SNX13: variants seen among roughly 807,000 people sequenced by gnomAD.
SNX13 encodes sorting nexin 13.
A neutral mutation model predicts 133.6 loss-of-function variants in SNX13; 45 were observed. That is an observed-to-expected ratio of 0.34 (90% CI 0.27 to 0.43). The LOEUF is 0.43. Among genes scored for constraint, SNX13 ranks in the 20% least tolerant of loss-of-function variants. The pLI is 1.00. For synonymous variants in SNX13, 414 were observed against 373.9 expected (o/e 1.11, Z -1.24); for missense variants, 1,032 against 1,145.1 (o/e 0.90, Z 1.43).
intron 22 of SNX13, among the ~76,000 whole-genome samples, chr7:17,801,097 A>C (rs1784599024): frequency 6.8e-6 from 1 of 147,308 alleles, no homozygotes; most frequent in Non-Finnish European, 1.5e-5. Flanking sequence ...GTATAGATCC[A>C]ATAGAAACAT....
intron 9 of SNX13, among the ~76,000 whole-genome samples, chr7:17,854,787 T>C (rs1271829801): frequency 6.6e-6 from 1 of 152,126 alleles, no homozygotes; most frequent in South Asian, 2.1e-4. Flanking sequence ...AACTCACACA[T>C]AACAACATTG....
At chr7:17,914,798 C>T (rs926368640) in intron 1 of SNX13, among the ~76,000 whole-genome samples, 11 of 152,114 alleles carry the variant, frequency 7.2e-5, no homozygotes, top group African/African-American at 2.7e-4. Context: ...CTCCAGACCC[C>T]ATAAAACAAC....
intron 21 of SNX13, 92 bp downstream of exon 21, chr7:17,803,327 T>C (rs766188698): frequency 1.7e-6 from 2 of 1,201,222 alleles, no homozygotes; most frequent in Non-Finnish European, 2.3e-6. Context: ...AGAAATAAGG[T>C]TAAGGGACTA....
rs556587276 is a variant in SNX13 at position 17,896,321 on chromosome 7, G to C, written c.125+1013C>G. 1.4e-4 allele frequency among the ~76,000 whole-genome samples: 22 copies of C among 152,222 alleles called. No homozygotes were observed. In the South Asian group the frequency reaches 4.1e-3, roughly 29 times the overall value. On this transcript the variant is annotated intron_variant, in intron 2 of 25. Coordinates refer to ENST00000428135, the MANE Select transcript of SNX13 (RefSeq NM_015132.5). ...CTAACATAAAATACAGTTTTATGGA[G>C]AGTCCTTGACATAGCTGCTCAATTA...
chr7:17,867,506 C>T (rs1439724178), intron 9 of SNX13, among the ~76,000 whole-genome samples: 2 of 151,944 alleles, frequency 1.3e-5, no homozygotes, highest in African/African-American at 4.8e-5. Flanking sequence ...ACTTGGGAGG[C>T]TGAAGCGGGA....
intron 20 of SNX13, among the ~76,000 whole-genome samples, chr7:17,805,298 T>C (rs1182880837): frequency 1.3e-5 from 2 of 149,652 alleles, no homozygotes; most frequent in African/African-American, 4.9e-5. Flanking sequence ...TAATTCTATA[T>C]ACTGTAGTTT....
chr7:17,841,127 T>G lies in SNX13; in HGVS notation c.1166-1127A>C, dbSNP rs74751677. On this transcript the variant is annotated intron_variant, in intron 12 of 25. Transcript: ENST00000428135. ...TAGGCTCTGACAGCACACTGCTGCT[T>G]CTGATCAAAGAGGTGCAGACAAATA... is the stretch of plus-strand genomic sequence containing the variant. Among the ~76,000 whole-genome samples the G allele has an allele frequency of 3.0e-3, 454 of 152,182 alleles. 12 individuals carry two copies. The East Asian group carries it at 0.068, about 23-fold the overall frequency.
chr7:17,834,431 A>G (rs1788894143), intron 14 of SNX13, among the ~76,000 whole-genome samples: 1 of 151,888 alleles, frequency 6.6e-6, no homozygotes, highest in Admixed American at 6.6e-5. Context: ...TTTCTAAGAA[A>G]CAAGTACATG....
intron 12 of SNX13, among the ~76,000 whole-genome samples, chr7:17,841,580 A>ACACACACACG (rs774602771): frequency 2.0e-5 from 3 of 151,274 alleles, no homozygotes; most frequent in Admixed American, 6.6e-5. Context: ...ACACACACAC[A>ACACACACACG]CACGCACACA....
intron 21 of SNX13, among the ~76,000 whole-genome samples, chr7:17,802,400 T>C (rs1168342222): frequency 6.6e-6 from 1 of 152,082 alleles, no homozygotes; most frequent in African/African-American, 2.4e-5. Context: ...GTTTAAGAAA[T>C]TAACAAAATG....
At chr7:17,879,196 G>T (rs958919267) in intron 5 of SNX13, among the ~76,000 whole-genome samples, 23 of 152,078 alleles carry the variant, frequency 1.5e-4, no homozygotes, top group Middle Eastern at 3.4e-3. Context: ...TTTTTTGTTT[G>T]TTCATTTTGT....
At chr7:17,802,068 A>C (rs1784704939) in intron 21 of SNX13, among the ~76,000 whole-genome samples, 1 of 152,084 alleles carries the variant, frequency 6.6e-6, no homozygotes. Flanking sequence ...ATATTTAGAT[A>C]CACATTTGTG....
chr7:17,827,118 T>C (rs764778653), intron 16 of SNX13, among the ~76,000 whole-genome samples: 11 of 152,084 alleles, frequency 7.2e-5, no homozygotes, highest in Non-Finnish European at 1.6e-4. Flanking sequence ...TAGTCTCCAA[T>C]GAATTTTCCT....
chr7:17,873,523 C>T lies in SNX13; in HGVS notation c.753+5G>A. 6.4e-7 allele frequency: 1 copy of T among 1,560,956 alleles called. No homozygotes were observed. Among genetic ancestry groups the T allele is most frequent in the Non-Finnish European group, 8.7e-7 (1 of 1,155,480 alleles). ...AGGTATGATATGGTATGAGTTTAAG[C>T]TTACCCTGACAAAGTATCGCATGAT... On this transcript the variant is annotated splice_donor_5th_base_variant and intron_variant, in intron 8 of 25. Coordinates refer to ENST00000428135, the MANE Select transcript of SNX13 (RefSeq NM_015132.5).
intron 15 of SNX13, chr7:17,832,632 G>T: frequency 3.9e-6 from 1 of 257,924 alleles, no homozygotes; most frequent in Non-Finnish European, 6.0e-6. Flanking sequence ...AATAGAGTAA[G>T]TACAGATATA....
At chr7:17,892,474 A>G (rs1028334692) in intron 3 of SNX13, among the ~76,000 whole-genome samples, 15 of 151,866 alleles carry the variant, frequency 9.9e-5, no homozygotes, top group Non-Finnish European at 1.9e-4. Flanking sequence ...TCAAAAAAGG[A>G]AAGGTTAATT....
intron 5 of SNX13, among the ~76,000 whole-genome samples, chr7:17,877,614 T>C (rs1562828787): frequency 6.6e-6 from 1 of 152,096 alleles, no homozygotes; most frequent in Non-Finnish European, 1.5e-5. Flanking sequence ...TTTAATTTAC[T>C]GAAACTTTCA....
chr7:17,838,801 A>C (rs1025793363), intron 13 of SNX13, among the ~76,000 whole-genome samples: 1 of 151,770 alleles, frequency 6.6e-6, no homozygotes, highest in African/African-American at 2.4e-5. Flanking sequence ...TTCCATTCTG[A>C]TCAAAGAACA....
At chr7:17,931,791 T>C (rs938479994) in intron 1 of SNX13, among the ~76,000 whole-genome samples, 1 of 152,218 alleles carries the variant, frequency 6.6e-6, no homozygotes, top group African/African-American at 2.4e-5. Context: ...CATAAGTATA[T>C]TTACAGACCA....
Sources: allele counts gnomAD v4.1 joint callset (sites outside exome capture counted in the v4.1 genomes callset), GRCh38; gene constraint gnomAD v4.1.1; transcripts MANE v1.5; gene names NCBI Gene and HGNC (gene_info 2026-07-23, HGNC 2026-07-21).